The following MYCBP2 variants were observed in gnomAD, a reference collection of about 807,000 sequenced individuals.
The protein encoded by MYCBP2 is MYC binding protein 2, also known as E3 ubiquitin-protein ligase MYCBP2.
A neutral mutation model predicts 525.3 loss-of-function variants in MYCBP2; 120 were observed. The ratio of observed to expected loss-of-function variants is 0.23; its 90% confidence interval spans 0.20 to 0.27. The LOEUF (loss-of-function observed/expected upper bound fraction) is 0.27, where lower values mean the gene tolerates loss of function less well. Ranked by LOEUF, MYCBP2 falls within the 10% of genes least tolerant of loss-of-function variation. The pLI is 1.00. For synonymous variants in MYCBP2, 1,894 were observed against 1,955.8 expected (o/e 0.97, Z 0.83); for missense variants, 4,149 against 5,657.1 (o/e 0.73, Z 8.55).
chr13:77,307,592 C>A (rs558019530), intron 1 of MYCBP2, among the ~76,000 whole-genome samples: 7 of 144,302 alleles, frequency 4.9e-5, no homozygotes, highest in Non-Finnish European at 1.0e-4. Flanking sequence ...TGCCACTGCA[C>A]CCCAGCCTGG....
chr13:77,261,994 T>G (rs1223966295), intron 11 of MYCBP2, 59 bp downstream of exon 11: 10 of 1,322,078 alleles, frequency 7.6e-6, no homozygotes, highest in East Asian at 2.4e-5. Flanking sequence ...ATCAACAGAT[T>G]GTATTTTAAT....
At chr13:77,183,469 G>A (rs1306522536) in intron 32 of MYCBP2, among the ~76,000 whole-genome samples, 1 of 147,928 alleles carries the variant, frequency 6.8e-6, no homozygotes, top group African/African-American at 2.5e-5. Context: ...TATTTTTCAA[G>A]GAATTTGTCA....
At chr13:77,113,934 C>T (rs2049281127) in intron 55 of MYCBP2, among the ~76,000 whole-genome samples, 1 of 152,146 alleles carries the variant, frequency 6.6e-6, no homozygotes, top group Non-Finnish European at 1.5e-5. Context: ...AATGCTGACT[C>T]TAATCTTCTA....
chr13:77,185,908 T>C lies in MYCBP2; in HGVS notation c.4407A>G (p.Leu1469=). 6.2e-7 allele frequency: 1 copy of C among 1,611,092 alleles called. No homozygotes were observed. Among genetic ancestry groups the C allele is most frequent in the Non-Finnish European group, 8.5e-7 (1 of 1,179,060 alleles). Residue 1469 remains leucine (L), a synonymous_variant, in exon 31 of 83, where the codon TTA becomes TTG. Transcript: ENST00000544440. ...LRFVGTCCLR[L]LRVYTCEIYP... ...AAATTTCACAGGTATAGACACGCAA[T>C]AACCTCAGACAACAGGTACCCACAA...
At chr13:77,155,978 A>G in intron 46 of MYCBP2, 80 bp downstream of exon 46, 1 of 1,370,956 alleles carries the variant, frequency 7.3e-7, no homozygotes, top group Non-Finnish European at 1.0e-6. Flanking sequence ...ATGGACTCTC[A>G]GCACTTGGCA....
intron 32 of MYCBP2, among the ~76,000 whole-genome samples, chr13:77,183,855 A>G (rs2060485240): frequency 6.6e-6 from 1 of 151,528 alleles, no homozygotes; most frequent in African/African-American, 2.4e-5. Context: ...GTGAACCCCT[A>G]TTTCACTTTT....
At chr13:77,096,621 T>C in intron 56 of MYCBP2, 140 bp from the exon 57 acceptor site, 2 of 886,064 alleles carry the variant, frequency 2.3e-6, no homozygotes, top group Non-Finnish European at 3.3e-6. Context: ...TTTCAGGCTA[T>C]TAACTATATC....
chr13:77,125,190 C>T, intron 54 of MYCBP2, 146 bp downstream of exon 54: 7 of 961,016 alleles, frequency 7.3e-6, no homozygotes, highest in Non-Finnish European at 1.1e-5. Context: ...CCAATTTTAA[C>T]AGTTGCAAGA....
chr13:77,077,540 C>T (rs1363251010), intron 66 of MYCBP2, 153 bp from the exon 67 acceptor site: 2 of 871,726 alleles, frequency 2.3e-6, no homozygotes, highest in Admixed American at 2.8e-5. Context: ...CTTATTTCAA[C>T]CAGGTGAAGA....
chr13:77,233,946 T>A (rs564265534), intron 17 of MYCBP2, among the ~76,000 whole-genome samples: 69 of 151,832 alleles, frequency 4.5e-4, no homozygotes, highest in African/African-American at 1.5e-3. Flanking sequence ...CTAACCCAAA[T>A]AACATTTTGG....
At chr13:77,296,718 A>ATTT in intron 1 of MYCBP2, 44 bp from the exon 2 acceptor site, 1 of 1,231,848 alleles carries the variant, frequency 8.1e-7, no homozygotes, top group Non-Finnish European at 1.1e-6. Context: ...GAATGTTCAT[A>ATTT]TTAGGACATA....
chr13:77,062,563 G>A, intron 74 of MYCBP2, 33 bp downstream of exon 74: 2 of 1,564,648 alleles, frequency 1.3e-6, no homozygotes, highest in Non-Finnish European at 1.8e-6. Flanking sequence ...GTAAAGGAAA[G>A]CAAGATAAAT....
rs1282560492 is a variant in MYCBP2, at chr13:77,206,834, A to G, written c.3417-9T>C. ...TAGTATTTGGTCGAAACCTTTAAAG[A>G]AAAAGAATAATTACAGCACCTCAAT... On this transcript the variant is annotated splice_polypyrimidine_tract_variant and intron_variant, in intron 23 of 82. Coordinates refer to ENST00000544440, the MANE Select transcript of MYCBP2 (RefSeq NM_015057.5). The G allele has an allele frequency of 1.9e-6, 3 of 1,574,608 alleles. No homozygotes were observed. In the African/African-American group the frequency reaches 4.1e-5, roughly 21 times the overall value.
chr13:77,261,499 T>C (rs2073274072), intron 11 of MYCBP2, 124 bp from the exon 12 acceptor site: 3 of 722,690 alleles, frequency 4.2e-6, no homozygotes, highest in Non-Finnish European at 6.6e-6. Flanking sequence ...AAACAAACTC[T>C]TTTTTACACT....
In MYCBP2 at chr13:77,098,081, G is replaced by A. The variant is rs2046506468; in HGVS notation, c.9073C>T (p.Pro3025Ser). Residue 3025 changes from proline (P) to serine (S), a missense_variant, in exon 56 of 83, where the codon CCT becomes TCT. By Grantham distance (74) the Pro-to-Ser change is moderately conservative (BLOSUM62 -1). Around this residue, in one of 21 missense-constraint regions of MYCBP2, gnomAD observed 653 missense variants for 744.7 expected, o/e 0.88. Coordinates refer to ENST00000544440, the MANE Select transcript of MYCBP2 (RefSeq NM_015057.5). ...GCTCTGGCACATTCGGCCACAGAAG[G>A]AGACATGGCTTGCTTGGCTGGCTCT... ...PLEPAKQAMS[P>S]SVAECARAVF... The A allele has an allele frequency of 6.2e-7, 1 of 1,613,424 alleles. No homozygotes were observed. The highest frequency in any genetic ancestry group is 1.7e-5 in the Admixed American group (1 of 59,878).
intron 52 of MYCBP2, chr13:77,129,042 T>G: frequency 2.6e-6 from 1 of 386,516 alleles, no homozygotes; most frequent in Non-Finnish European, 4.6e-6. Context: ...CATATAGATC[T>G]TTTTTTGGTT....
intron 35 of MYCBP2, 73 bp downstream of exon 35, chr13:77,177,675 A>T: frequency 8.0e-7 from 1 of 1,251,252 alleles, no homozygotes; most frequent in South Asian, 1.2e-5. Flanking sequence ...AAACCCCTGA[A>T]CATACTATGA....
intron 66 of MYCBP2, chr13:77,077,632 G>A (rs2042541864): frequency 1.0e-5 from 4 of 394,720 alleles, no homozygotes; most frequent in African/African-American, 6.2e-5. Context: ...AGTAAATGGT[G>A]GAATTGAGAA....
chr13:77,061,286 C>T lies in MYCBP2; in HGVS notation c.12919G>A (p.Glu4307Lys). 1 of 1,607,632 alleles carries T rather than the reference C, an allele frequency of 6.2e-7. No individual in the cohort carries two copies. Among genetic ancestry groups the T allele is most frequent in the Non-Finnish European group, 8.5e-7 (1 of 1,177,596 alleles). The stretch of plus-strand genomic sequence containing the variant: ...TGAAGGTCAACCTTTATAGCTTCTT[C>T]TTCTTCTTTGAAGACCTATTATTTC... ...THQRQVFKEE[E>K]EAIKVDLHEG... Residue 4307 changes from glutamate (E) to lysine (K), a missense_variant, in exon 76 of 83, where the codon GAA (glutamate) becomes AAA (lysine). This residue lies in a region of MYCBP2 where 220 missense variants were observed against 396.0 expected (regional missense o/e 0.56). Transcript: ENST00000544440.
Sources: allele counts gnomAD v4.1 joint callset (sites outside exome capture counted in the v4.1 genomes callset), GRCh38; gene constraint gnomAD v4.1.1; regional missense constraint gnomAD v4.1.1; transcripts MANE v1.5; gene names NCBI Gene and HGNC (gene_info 2026-07-23, HGNC 2026-07-21).